CDK12: variants seen among roughly 807,000 people sequenced by gnomAD.
CDK12 encodes the protein cyclin-dependent kinase 12.
A neutral mutation model predicts 133.8 loss-of-function variants in CDK12; 17 were observed. That is an observed-to-expected ratio of 0.13 (90% CI 0.09 to 0.19). The LOEUF is 0.19. Among genes scored for constraint, CDK12 ranks in the 10% least tolerant of loss-of-function variants. The pLI is 1.00. For missense variants in CDK12, 1,508 were observed against 1,818.7 expected, an observed-to-expected ratio of 0.83 and a Z score of 3.11; for synonymous variants, 694 against 683.6, an observed-to-expected ratio of 1.02 and a Z score of -0.24.
chr17:39,488,609 G>A (rs1429293772), intron 2 of CDK12, among the ~76,000 whole-genome samples: 2 of 151,958 alleles, frequency 1.3e-5, no homozygotes, highest in Non-Finnish European at 2.9e-5. Flanking sequence ...CACCTCTTTA[G>A]CGATAGAGTA....
At chr17:39,515,237 A>G (rs11078912) in intron 8 of CDK12, among the ~76,000 whole-genome samples, 94,399 of 152,000 alleles carry the variant, frequency 0.62, 32,437 homozygotes, top group South Asian at 0.89. Flanking sequence ...AAAAAGTCCA[A>G]CTGATCCTAG....
rs2049030340 is a variant in CDK12, at chr17:39,462,554, T to TGGGAAG, written c.485_490dup (p.Gly162_Lys163dup). The stretch of plus-strand genomic sequence containing the variant: ...GTTCGAATGAGGAGACTGATGACTA[T>TGGGAAG]GGGAAGGCGCAGGTAGCCAAAAGCA... On this transcript the variant is annotated inframe_insertion, in exon 1 of 14. Coordinates refer to ENST00000447079, the MANE Select transcript of CDK12 (RefSeq NM_016507.4). 1.9e-6 allele frequency: 3 copies of TGGGAAG among 1,613,892 alleles called. No homozygotes were observed. The highest frequency in any genetic ancestry group is 2.7e-5 in the African/African-American group (2 of 74,962).
At chr17:39,463,673 G>A (rs1442473467) in intron 1 of CDK12, among the ~76,000 whole-genome samples, 1 of 151,894 alleles carries the variant, frequency 6.6e-6, no homozygotes, top group Non-Finnish European at 1.5e-5. Context: ...TGGAAATTCA[G>A]CTGATTAGTC....
At chr17:39,474,681 C>T (rs1372470351) in intron 2 of CDK12, among the ~76,000 whole-genome samples, 1 of 151,654 alleles carries the variant, frequency 6.6e-6, no homozygotes, top group Non-Finnish European at 1.5e-5. Flanking sequence ...TTTTCGTACC[C>T]TCTGTTCTTT....
At chr17:39,520,222 T>G in intron 11 of CDK12, 135 bp downstream of exon 11, 1 of 817,668 alleles carries the variant, frequency 1.2e-6, no homozygotes, top group African/African-American at 1.7e-5. Context: ...TTGAGGTTTG[T>G]TTTTTTTGTT....
chr17:39,526,349 C>T (rs760415504), intron 13 of CDK12, 33 bp downstream of exon 13: 6 of 1,496,462 alleles, frequency 4.0e-6, no homozygotes, highest in Middle Eastern at 4.7e-4. Flanking sequence ...TCATTGAGCT[C>T]AGGTGCTGTT....
chr17:39,477,771 C>T (rs1414795766), intron 2 of CDK12, among the ~76,000 whole-genome samples: 3 of 151,630 alleles, frequency 2.0e-5, no homozygotes, highest in Admixed American at 6.6e-5. Context: ...GATGGGGTTT[C>T]GCCGTGTTAG....
At chr17:39,508,558 G>A (rs1000267589) in intron 6 of CDK12, among the ~76,000 whole-genome samples, 1 of 152,070 alleles carries the variant, frequency 6.6e-6, no homozygotes, top group African/African-American at 2.4e-5. Context: ...AGGAAAAATA[G>A]CTAATGCTTG....
At chr17:39,467,761 G>A (rs2049457702) in intron 1 of CDK12, among the ~76,000 whole-genome samples, 1 of 152,136 alleles carries the variant, frequency 6.6e-6, no homozygotes, top group Non-Finnish European at 1.5e-5. Context: ...AGCCAAATAT[G>A]TACAGAAGGA....
intron 2 of CDK12, 21 bp downstream of exon 2, chr17:39,471,784 G>A (rs779076641): frequency 1.3e-6 from 2 of 1,569,994 alleles, no homozygotes; most frequent in Non-Finnish European, 1.7e-6. Flanking sequence ...TAGTGAACTG[G>A]AAAAAACCCC....
At chr17:39,527,393 C>T (rs542304535) in intron 13 of CDK12, among the ~76,000 whole-genome samples, 1 of 152,296 alleles carries the variant, frequency 6.6e-6, no homozygotes, top group East Asian at 1.9e-4. Flanking sequence ...CTCTATTTGG[C>T]CATTTCACTG....
At chr17:39,565,626 G>A (rs1211269978), downstream of CDK12, among the ~76,000 whole-genome samples, 1 of 151,536 alleles carries the variant, frequency 6.6e-6, no homozygotes, top group Non-Finnish European at 1.5e-5. Flanking sequence ...TAGAGATGAG[G>A]TTTCATCATC....
At chr17:39,477,852 C>T (rs896394959) in intron 2 of CDK12, among the ~76,000 whole-genome samples, 1 of 151,976 alleles carries the variant, frequency 6.6e-6, no homozygotes, top group Non-Finnish European at 1.5e-5. Flanking sequence ...GGATTACAGG[C>T]GTGAGCCACT....
intron 13 of CDK12, among the ~76,000 whole-genome samples, chr17:39,526,573 G>A (rs1468000835): frequency 6.6e-6 from 1 of 152,166 alleles, no homozygotes; most frequent in African/African-American, 2.4e-5. Context: ...AAGCCCCTGT[G>A]TTCTAACCAA....
upstream of CDK12, among the ~76,000 whole-genome samples, chr17:39,547,487 T>C (rs11654018): frequency 0.63 from 96,015 of 151,986 alleles, 33,016 homozygotes; most frequent in South Asian, 0.89. Context: ...TTTTTAATAA[T>C]ATCCAGACTG....
chr17:39,526,460 G>C, intron 13 of CDK12, 144 bp downstream of exon 13: 1 of 653,412 alleles, frequency 1.5e-6, no homozygotes, highest in Non-Finnish European at 2.6e-6. Context: ...ATAGCACCAA[G>C]TAATGTATTT....
chr17:39,532,102 T>TTCTCTCTCTCTCTATCTC lies in CDK12; in HGVS notation c.*799_*800insATCTCTCTCTCTCTCTCT, dbSNP rs1232452261. On this transcript the variant is annotated 3_prime_UTR_variant, in exon 14 of 14. Transcript: ENST00000447079. ...GCTGATGTGTGCTCTCTCTCTCTCT[T>TTCTCTCTCTCTCTATCTC]TCTCTCTCTCTCTCTCTCTCTCTCT... is the stretch of plus-strand genomic sequence containing the variant. 121 of 218,620 alleles carry TTCTCTCTCTCTCTATCTC rather than the reference T, an allele frequency of 5.5e-4. No homozygotes were observed. The highest frequency in any genetic ancestry group is 2.8e-3 in the African/African-American group (109 of 38,518). 13.5% of individuals were successfully genotyped at this position (218,620 alleles called of 1,614,324 possible). A position where few individuals can be genotyped will look rare whatever the true frequency, so the allele number is the denominator to read the frequency against.
intron 8 of CDK12, among the ~76,000 whole-genome samples, chr17:39,513,078 C>T (rs1291222873): frequency 6.6e-6 from 1 of 152,144 alleles, no homozygotes; most frequent in Non-Finnish European, 1.5e-5. Flanking sequence ...TGTTCATTTC[C>T]TGCCCCAAAC....
chr17:39,520,897 G>T (rs947809618), intron 11 of CDK12, among the ~76,000 whole-genome samples: 8 of 152,018 alleles, frequency 5.3e-5, no homozygotes. Context: ...CCCCAGGCTG[G>T]AGTACAATGG....
Sources: gnomAD v4.1 joint callset for allele counts (sites outside exome capture counted in the v4.1 genomes callset) on GRCh38, gnomAD v4.1.1 for gene constraint, MANE v1.5 for transcripts, NCBI Gene and HGNC (gene_info 2026-07-23, HGNC 2026-07-21) for gene names.